PCDHGB3: variants seen among roughly 807,000 people sequenced by gnomAD.
PCDHGB3 encodes the protein protocadherin gamma-B3.
Under a neutral mutation model 59.2 loss-of-function variants are expected in PCDHGB3, and 40 were observed. The observed-to-expected ratio is 0.68, with a 90% CI of 0.52 to 0.88. The LOEUF (loss-of-function observed/expected upper bound fraction) is 0.88, where lower values mean the gene tolerates loss of function less well. Ranked by LOEUF, PCDHGB3 falls within the 40% of genes least tolerant of loss-of-function variation. PCDHGB3 has a pLI of 0.00. For missense variants in PCDHGB3, 1,309 were observed against 1,187.9 expected, an observed-to-expected ratio of 1.10 and a Z score of -1.50; for synonymous variants, 581 against 503.6, an observed-to-expected ratio of 1.15 and a Z score of -2.06.
intron 1 of PCDHGB3, among the ~76,000 whole-genome samples, chr5:141,448,146 C>G (rs1375402473): frequency 6.6e-6 from 1 of 151,942 alleles, no homozygotes; most frequent in Non-Finnish European, 1.5e-5. Flanking sequence ...ATACCTCAGA[C>G]TCACCCCTGA....
At chr5:141,428,223 A>G in intron 1 of PCDHGB3, 1 of 1,169,680 alleles carries the variant, frequency 8.5e-7, no homozygotes. Context: ...TAGTCTTCGC[A>G]GACAGCCTGC....
At chr5:141,483,242 C>T (rs2099578681) in intron 1 of PCDHGB3, among the ~76,000 whole-genome samples, 1 of 151,558 alleles carries the variant, frequency 6.6e-6, no homozygotes, top group African/African-American at 2.4e-5. Flanking sequence ...AACTGATATG[C>T]ATATATCATG....
intron 1 of PCDHGB3, chr5:141,418,608 G>A (rs1265400499): frequency 6.2e-7 from 1 of 1,614,040 alleles, no homozygotes; most frequent in Admixed American, 1.7e-5. Flanking sequence ...TACAGGGTTA[G>A]CCTTCGGGAA....
chr5:141,414,909 C>G (rs1230113440), intron 1 of PCDHGB3: 4 of 1,614,220 alleles, frequency 2.5e-6, no homozygotes, highest in Non-Finnish European at 3.4e-6. Context: ...GTTCCACAGG[C>G]GTGGAGCTGG....
At chr5:141,495,652 T>C (rs1403816239) in intron 2 of PCDHGB3, among the ~76,000 whole-genome samples, 2 of 152,336 alleles carry the variant, frequency 1.3e-5, no homozygotes, top group Admixed American at 6.5e-5. Context: ...CTACTTGCAT[T>C]GATCTGTGCC....
At position 141,477,498 on chromosome 5, in the gene PCDHGB3, C is replaced by T. The variant is rs754212608; in HGVS notation, c.2416-17309C>T. ...AACCCTCCACAATCTTCTCAATCTT[C>T]CTACGACGTTTACATTGAAGAAAAC... On this transcript the variant is annotated intron_variant, in intron 1 of 3. Coordinates refer to ENST00000576222, the MANE Select transcript of PCDHGB3 (RefSeq NM_018924.5). The surrounding 1 kb of genome is among the most constrained non-coding windows in gnomAD (Gnocchi z 4.9). 3.7e-6 allele frequency: 6 copies of T among 1,614,038 alleles called. No individual in the cohort carries two copies. The highest frequency in any genetic ancestry group is 5.1e-6 in the Non-Finnish European group (6 of 1,180,038).
chr5:141,374,678 A>G (rs753625335), intron 1 of PCDHGB3: 1 of 1,610,496 alleles, frequency 6.2e-7, no homozygotes, highest in African/African-American at 1.3e-5. Context: ...GCTGGAGGGC[A>G]CACTGGACCG....
In PCDHGB3 at chr5:141,476,321, G is replaced by GT; in HGVS notation, c.2416-18485dup. ...CCTCTCAGCCCGCAGGTTCCGGGTG[G>GT]TGTCTGGAGCTAGCCGAAGATTCTT... On this transcript the variant is annotated intron_variant, in intron 1 of 3. Coordinates refer to ENST00000576222, the MANE Select transcript of PCDHGB3 (RefSeq NM_018924.5). The surrounding 1 kb of genome is among the most constrained non-coding windows in gnomAD (Gnocchi z 7.6). The GT allele has an allele frequency of 6.2e-7, 1 of 1,614,196 alleles. No individual in the cohort carries two copies. Among genetic ancestry groups the GT allele is most frequent in the Non-Finnish European group, 8.5e-7 (1 of 1,180,050 alleles).
Position 141,393,047 on chromosome 5 carries a change from C to G in PCDHGB3, c.2415+20238C>G, listed in dbSNP as rs778464494. ...GTAGGACGCAGCTCTTTGCTCTGAA[C>G]CCGCGCAGCGGCAGCTTGATCACCG... On this transcript the variant is annotated intron_variant, in intron 1 of 3. Transcript: ENST00000576222. 16 of 1,613,566 alleles carry G rather than the reference C, an allele frequency of 9.9e-6. No homozygotes were observed. The South Asian group carries it at 1.6e-4, about 17-fold the overall frequency.
Position 141,476,656 on chromosome 5 carries a change from T to G in PCDHGB3, c.2416-18151T>G, listed in dbSNP as rs190269177. On this transcript the variant is annotated intron_variant, in intron 1 of 3. Transcript: ENST00000576222. The surrounding 1 kb of genome is among the most constrained non-coding windows in gnomAD (Gnocchi z 7.6). ...ATGAGCTGAGCCGAAATGAATACTTTGCGCTTCGCGTGCAGACGCGGGAGG... is the reference window on the plus strand; with the variant it reads ...ATGAGCTGAGCCGAAATGAATACTTGGCGCTTCGCGTGCAGACGCGGGAGG... The G allele has an allele frequency of 1.2e-6, 2 of 1,614,210 alleles. No individual in the cohort carries two copies. The highest frequency in any genetic ancestry group is 1.7e-6 in the Non-Finnish European group (2 of 1,180,044).
rs750200042 is a variant in PCDHGB3, at chr5:141,418,821, C to A, written c.2415+46012C>A. On this transcript the variant is annotated intron_variant, in intron 1 of 3. Coordinates refer to ENST00000576222, the MANE Select transcript of PCDHGB3 (RefSeq NM_018924.5). ...GAAAGATATACGATAAACATAGAAG[C>A]AAAAGACCGAGGATCTCTCTCAACA... 8.1e-6 allele frequency: 13 copies of A among 1,613,846 alleles called. 1 individual carries two copies. The highest frequency in any genetic ancestry group is 1.6e-4 in the Middle Eastern group (1 of 6,062).
chr5:141,485,546 G>C lies in PCDHGB3; in HGVS notation c.2416-9261G>C. The C allele has an allele frequency of 6.2e-7, 1 of 1,614,074 alleles. No individual in the cohort carries two copies. ...GTACCGAGCAGAGGTAGAGATCGTA[G>C]ATGTGAATGATCACGCCCCCCGTTT... is the stretch of plus-strand genomic sequence containing the variant. On this transcript the variant is annotated intron_variant, in intron 1 of 3. Coordinates refer to ENST00000576222, the MANE Select transcript of PCDHGB3 (RefSeq NM_018924.5). The surrounding 1 kb of genome is among the most constrained non-coding windows in gnomAD (Gnocchi z 5.7).
intron 1 of PCDHGB3, among the ~76,000 whole-genome samples, chr5:141,380,043 G>A (rs1366839689): frequency 6.6e-6 from 1 of 151,834 alleles, no homozygotes; most frequent in Non-Finnish European, 1.5e-5. Context: ...GGGATTACAG[G>A]TGCATGCCAC....
At chr5:141,411,059 C>T (rs1384816111) in intron 1 of PCDHGB3, 1 of 156,328 alleles carries the variant, frequency 6.4e-6, no homozygotes, top group African/African-American at 2.4e-5. Context: ...ACTATGTCGA[C>T]CAGGCTGTTC....
intron 1 of PCDHGB3, among the ~76,000 whole-genome samples, chr5:141,469,808 A>C (rs1253675252): frequency 2.0e-5 from 3 of 152,174 alleles, no homozygotes; most frequent in Admixed American, 6.5e-5. Flanking sequence ...AAAACATTGT[A>C]GATAGAATGG....
At chr5:141,470,734 G>A (rs970003510) in intron 1 of PCDHGB3, among the ~76,000 whole-genome samples, 1 of 152,128 alleles carries the variant, frequency 6.6e-6, no homozygotes, top group Non-Finnish European at 1.5e-5. Context: ...GTCTTGCTCT[G>A]TCGCCCTGGC....
rs183549806 is a variant in PCDHGB3 at position 141,487,760 on chromosome 5, G to A, written c.2416-7047G>A. ...TGTAAGAGGTAACTATGTGGTAGAC[G>A]CTGTGCTTTGTAACTGTTTCGTGAA... On this transcript the variant is annotated intron_variant, in intron 1 of 3. Transcript: ENST00000576222. The surrounding 1 kb of genome is among the most constrained non-coding windows in gnomAD (Gnocchi z 5.0). 42 of 1,545,950 alleles carry A rather than the reference G, an allele frequency of 2.7e-5. No homozygotes were observed. The African/African-American group carries it at 3.8e-4, about 14-fold the overall frequency.
chr5:141,497,702 G>A (rs904199928), intron 2 of PCDHGB3, among the ~76,000 whole-genome samples: 16 of 152,054 alleles, frequency 1.1e-4, no homozygotes, highest in African/African-American at 3.9e-4. Context: ...ACCACACCCA[G>A]CTCATTTTTG....
At chr5:141,508,538 G>C (rs1383873129) in intron 3 of PCDHGB3, among the ~76,000 whole-genome samples, 1 of 152,120 alleles carries the variant, frequency 6.6e-6, no homozygotes, top group African/African-American at 2.4e-5. Flanking sequence ...CACCCCCCAC[G>C]AGGTGGGCGG....
Sources: gnomAD v4.1 joint callset for allele counts (sites outside exome capture counted in the v4.1 genomes callset) on GRCh38, gnomAD v4.1.1 for gene constraint, Gnocchi (gnomAD v3.1) non-coding constraint, MANE v1.5 for transcripts, NCBI Gene and HGNC (gene_info 2026-07-23, HGNC 2026-07-21) for gene names.